APMAP: variants seen among roughly 807,000 people sequenced by gnomAD.
APMAP encodes adipocyte plasma membrane-associated protein.
In APMAP, 33 loss-of-function variants were observed where a neutral mutation model predicts 43.6. The ratio of observed to expected loss-of-function variants is 0.76; its 90% confidence interval spans 0.57 to 1.01. The LOEUF (loss-of-function observed/expected upper bound fraction) is 1.01, where lower values mean the gene tolerates loss of function less well. Among genes scored for constraint, APMAP ranks in the 50% least tolerant of loss-of-function variants. APMAP has a pLI of 0.00. For synonymous variants in APMAP, 224 were observed against 216.7 expected (o/e 1.03, Z -0.30); for missense variants, 498 against 540.7 (o/e 0.92, Z 0.78).
rs993706317 is a variant in APMAP, at chr20:24,963,680, C to T, written c.*133G>A. 1.3e-5 allele frequency: 12 copies of T among 956,294 alleles called. No individual in the cohort carries two copies. Among genetic ancestry groups the T allele is most frequent in the Non-Finnish European group, 1.7e-5 (11 of 629,930 alleles). The allele number at this position is 956,294 out of a possible 1,614,324, so 59.2% of individuals were successfully genotyped here. A position where few individuals can be genotyped will look rare whatever the true frequency, so the allele number is the denominator to read the frequency against. On this transcript the variant is annotated 3_prime_UTR_variant, in exon 9 of 9. Transcript: ENST00000217456. ...TCGAGGAATGAAGCAGCCATTCCCA[C>T]CACCTCTCAGGGACTAACAGGTGCA...
At chr20:24,966,157 A>G (rs986491358) in intron 8 of APMAP, among the ~76,000 whole-genome samples, 1 of 152,196 alleles carries the variant, frequency 6.6e-6, no homozygotes, top group Non-Finnish European at 1.5e-5. Context: ...GGGACAATAC[A>G]AGAGGAAACT....
intron 2 of APMAP, among the ~76,000 whole-genome samples, chr20:24,982,499 T>C (rs1314522906): frequency 6.6e-6 from 1 of 152,248 alleles, no homozygotes; most frequent in Non-Finnish European, 1.5e-5. Context: ...TTCCTTTCAG[T>C]GTCTGGCCAG....
intron 5 of APMAP, among the ~76,000 whole-genome samples, chr20:24,970,818 C>T (rs1295874723): frequency 6.6e-6 from 1 of 152,194 alleles, no homozygotes; most frequent in Non-Finnish European, 1.5e-5. Flanking sequence ...AACAATCCCA[C>T]AGGCAGGGCT....
chr20:24,990,400 A>C (rs546886013), intron 1 of APMAP, among the ~76,000 whole-genome samples: 86 of 152,132 alleles, frequency 5.7e-4, no homozygotes, highest in Non-Finnish European at 1.1e-3. Flanking sequence ...AAACCACCTC[A>C]CACACATAGA....
At chr20:24,992,069 G>C (rs1419489576) in intron 1 of APMAP, among the ~76,000 whole-genome samples, 4 of 152,216 alleles carry the variant, frequency 2.6e-5, no homozygotes, top group African/African-American at 7.2e-5. Flanking sequence ...GGGGGCAGGT[G>C]CAGAAGAGCA....
rs563199870 is a variant in APMAP at position 24,971,449 on chromosome 20, T to C, written c.538+11A>G. The C allele has an allele frequency of 7.4e-5, 118 of 1,599,814 alleles. No homozygotes were observed. The highest frequency in any genetic ancestry group is 1.3e-4 in the Admixed American group (8 of 59,832). On this transcript the variant is annotated intron_variant, in intron 5 of 8. Transcript: ENST00000217456. ...AATCTTCATAGAAGGAAACGAGATA[T>C]TGTCACATACGTTTCCAGGGATTTA...
In APMAP at chr20:24,983,153, A is replaced by G. The variant is rs186303211; in HGVS notation, c.212+750T>C. 2.4e-4 allele frequency among the ~76,000 whole-genome samples: 36 copies of G among 152,384 alleles called. 1 individual carries two copies. In the East Asian group the frequency reaches 3.3e-3, roughly 14 times the overall value. The stretch of plus-strand genomic sequence containing the variant: ...GATCCAATATAAAGCCTTAATTTTT[A>G]TGGATAAAACACTACATTATTCAGC... On this transcript the variant is annotated intron_variant, in intron 2 of 8. Coordinates refer to ENST00000217456, the MANE Select transcript of APMAP (RefSeq NM_020531.3).
chr20:24,968,218 G>T (rs917892834), intron 8 of APMAP, among the ~76,000 whole-genome samples: 1 of 152,180 alleles, frequency 6.6e-6, no homozygotes, highest in Admixed American at 6.5e-5. Flanking sequence ...AAGCCACTGG[G>T]AAAATGGCAA....
intron 2 of APMAP, among the ~76,000 whole-genome samples, chr20:24,980,213 A>G (rs6050230): frequency 0.096 from 14,601 of 152,310 alleles, 804 homozygotes; most frequent in African/African-American, 0.12. Flanking sequence ...AAACCAAAGT[A>G]GAGAGGAATA....
In APMAP at chr20:24,963,796, G is replaced by T. The variant is rs777741358; in HGVS notation, c.*17C>A. 1 of 1,612,320 alleles carries T rather than the reference G, an allele frequency of 6.2e-7. No homozygotes were observed. ...AAGACTCCTGGCCTGCGTGGCAGGG[G>T]CAGCTATCTGGGAGGGCTAAACAGC... is the stretch of plus-strand genomic sequence containing the variant. On this transcript the variant is annotated 3_prime_UTR_variant, in exon 9 of 9. Coordinates refer to ENST00000217456, the MANE Select transcript of APMAP (RefSeq NM_020531.3).
chr20:24,986,262 C>T (rs1568818066), intron 1 of APMAP, among the ~76,000 whole-genome samples: 1 of 152,162 alleles, frequency 6.6e-6, no homozygotes, highest in East Asian at 1.9e-4. Context: ...CAGAGCTCAC[C>T]CCGTACACCT....
At chr20:24,971,076 A>G (rs1156850622) in intron 5 of APMAP, among the ~76,000 whole-genome samples, 1 of 152,204 alleles carries the variant, frequency 6.6e-6, no homozygotes, top group African/African-American at 2.4e-5. Context: ...ACTACAGGAG[A>G]AAACAGAAAG....
At position 24,992,736 on chromosome 20, in the gene APMAP, C is replaced by T; in HGVS notation, c.-48G>A. On this transcript the variant is annotated 5_prime_UTR_variant, in exon 1 of 9. Coordinates refer to ENST00000217456, the MANE Select transcript of APMAP (RefSeq NM_020531.3). ...GCAGAAACCACCTCACACTGAGCGG[C>T]GCCGGCTCAGACTCCAGGCCCGCCC... 4.3e-6 allele frequency: 6 copies of T among 1,389,814 alleles called. No individual in the cohort carries two copies. The highest frequency in any genetic ancestry group is 5.7e-6 in the Non-Finnish European group (6 of 1,048,678). The allele number at this position is 1,389,814 out of a possible 1,614,324, so 86.1% of individuals were successfully genotyped here.
At chr20:24,975,975 C>T (rs1486002668) in intron 3 of APMAP, among the ~76,000 whole-genome samples, 1 of 152,150 alleles carries the variant, frequency 6.6e-6, no homozygotes, top group Non-Finnish European at 1.5e-5. Context: ...AATTTGTTTG[C>T]ATCCACATGC....
At chr20:24,979,239 G>C (rs1455519325) in intron 2 of APMAP, among the ~76,000 whole-genome samples, 1 of 152,176 alleles carries the variant, frequency 6.6e-6, no homozygotes, top group Non-Finnish European at 1.5e-5. Flanking sequence ...ACAGCCACTG[G>C]AGTCTACCTA....
chr20:24,983,119 A>G (rs917098158), intron 2 of APMAP, among the ~76,000 whole-genome samples: 1 of 152,256 alleles, frequency 6.6e-6, no homozygotes, highest in East Asian at 1.9e-4. Context: ...CTACATTCTT[A>G]GTGAATCGGA....
intron 4 of APMAP, 77 bp from the exon 5 acceptor site, chr20:24,971,653 A>C: frequency 1.6e-4 from 183 of 1,162,642 alleles, no homozygotes; most frequent in Non-Finnish European, 2.1e-4. Context: ...CAAGCATCTC[A>C]TCCATCCCTT....
At chr20:24,967,218 C>A (rs2087952534) in intron 8 of APMAP, among the ~76,000 whole-genome samples, 1 of 152,156 alleles carries the variant, frequency 6.6e-6, no homozygotes, top group Non-Finnish European at 1.5e-5. Flanking sequence ...TCACTTGAGC[C>A]CAGGAGGCAG....
In APMAP at chr20:24,963,640, G is replaced by A; in HGVS notation, c.*173C>T. ...TCTAAACAGAAAGACAAGCCCAGGT[G>A]GGGCCCGGGCATCCTCGAGGAATGA... On this transcript the variant is annotated 3_prime_UTR_variant, in exon 9 of 9. Transcript: ENST00000217456. 1 of 665,850 alleles carries A rather than the reference G, an allele frequency of 1.5e-6. No homozygotes were observed. The highest frequency in any genetic ancestry group is 1.9e-5 in the South Asian group (1 of 52,798). The allele number at this position is 665,850 out of a possible 1,614,324, so 41.2% of individuals were successfully genotyped here. A position where few individuals can be genotyped will look rare whatever the true frequency, so the allele number is the denominator to read the frequency against.
Sources: gnomAD v4.1 joint callset for allele counts (sites outside exome capture counted in the v4.1 genomes callset) on GRCh38, gnomAD v4.1.1 for gene constraint, MANE v1.5 for transcripts, NCBI Gene and HGNC (gene_info 2026-07-23, HGNC 2026-07-21) for gene names.